ARHGAP15: variants seen among roughly 807,000 people sequenced by gnomAD.
ARHGAP15 encodes Rho GTPase activating protein 15.
In ARHGAP15, 51 loss-of-function variants were observed where a neutral mutation model predicts 63.7. The ratio of observed to expected loss-of-function variants is 0.80; its 90% CI spans 0.64 to 1.01. The LOEUF (loss-of-function observed/expected upper bound fraction) is 1.01. Ranked by LOEUF, ARHGAP15 falls within the 50% of genes least tolerant of loss-of-function variation. The probability of loss-of-function intolerance (pLI) is 0.00; values close to 1 mark genes in which losing one functional copy is unlikely to be tolerated. For synonymous variants in ARHGAP15, 191 were observed against 193.8 expected, an observed-to-expected ratio of 0.99 and a Z score of 0.12; for missense variants, 560 against 564.6, an observed-to-expected ratio of 0.99 and a Z score of 0.08.
At chr2:143,221,727 G>A (rs974499648) in intron 4 of ARHGAP15, among the ~76,000 whole-genome samples, 3 of 152,168 alleles carry the variant, frequency 2.0e-5, no homozygotes, top group Admixed American at 2.0e-4. Flanking sequence ...GTGTGGCTCT[G>A]CGTATCTTAC....
chr2:143,482,703 G>T (rs942097487), intron 8 of ARHGAP15, among the ~76,000 whole-genome samples: 23 of 152,284 alleles, frequency 1.5e-4, no homozygotes, highest in African/African-American at 5.1e-4. Context: ...TGTAAACCAC[G>T]ATATTCAAAG....
At position 143,268,281 on chromosome 2, in the gene ARHGAP15, C is replaced by A. The variant is rs186773677; in HGVS notation, c.474+17681C>A. Among the ~76,000 whole-genome samples, 278 of 151,922 alleles carry A rather than the reference C, an allele frequency of 1.8e-3. 1 individual carries two copies. The highest frequency in any genetic ancestry group is 3.4e-3 in the Middle Eastern group (1 of 294). ...AACAAAAAGGCCCTCAAACAACAGT[C>A]CCAGTAAACCAAGTTGCAATTAGCT... On this transcript the variant is annotated intron_variant, in intron 6 of 13. Transcript: ENST00000295095.
At chr2:143,745,447 T>C (rs2105515212) in intron 13 of ARHGAP15, among the ~76,000 whole-genome samples, 1 of 152,260 alleles carries the variant, frequency 6.6e-6, no homozygotes, top group South Asian at 2.1e-4. Flanking sequence ...TTTATAAGTG[T>C]AAGAAAACAA....
rs541514181 is a variant in ARHGAP15, at chr2:143,466,521, C to T, written c.704-20852C>T. The stretch of plus-strand genomic sequence containing the variant: ...GGAAAAGAGTATTTTACATAATGGG[C>T]TTTGTCTTCTGGTTTAGTTCTTCAA... On this transcript the variant is annotated intron_variant, in intron 8 of 13. Coordinates refer to ENST00000295095, the MANE Select transcript of ARHGAP15 (RefSeq NM_018460.4). Among the ~76,000 whole-genome samples the T allele has an allele frequency of 2.6e-5, 4 of 152,048 alleles. No homozygotes were observed. In the South Asian group the frequency reaches 8.3e-4, roughly 32 times the overall value.
At chr2:143,652,471 A>C (rs1325733688) in intron 12 of ARHGAP15, among the ~76,000 whole-genome samples, 1 of 152,068 alleles carries the variant, frequency 6.6e-6, no homozygotes, top group Non-Finnish European at 1.5e-5. Flanking sequence ...ATATTTTTAA[A>C]AGCTTGCCAA....
At chr2:143,420,615 C>A (rs1401240203) in intron 6 of ARHGAP15, among the ~76,000 whole-genome samples, 1 of 152,240 alleles carries the variant, frequency 6.6e-6, no homozygotes, top group Non-Finnish European at 1.5e-5. Context: ...CGGTAATTTA[C>A]CAAGAAGTCT....
chr2:143,371,591 GT>G (rs1343000882), intron 6 of ARHGAP15, among the ~76,000 whole-genome samples: 4 of 152,234 alleles, frequency 2.6e-5, no homozygotes, highest in African/African-American at 7.2e-5. Flanking sequence ...GTTTGATTTG[GT>G]TTGGTAATAA....
intron 6 of ARHGAP15, among the ~76,000 whole-genome samples, chr2:143,383,868 A>G (rs1057321815): frequency 1.3e-5 from 2 of 152,182 alleles, no homozygotes; most frequent in Non-Finnish European, 2.9e-5. Flanking sequence ...TAAAATCAAT[A>G]TTCTAGGGGC....
At chr2:143,565,246 C>G (rs951577936) in intron 11 of ARHGAP15, among the ~76,000 whole-genome samples, 1 of 151,964 alleles carries the variant, frequency 6.6e-6, no homozygotes, top group African/African-American at 2.4e-5. Flanking sequence ...TTAAGGAATC[C>G]CAAATCACTT....
intron 8 of ARHGAP15, among the ~76,000 whole-genome samples, chr2:143,438,109 C>T (rs1214782553): frequency 4.6e-5 from 7 of 152,162 alleles, no homozygotes; most frequent in Non-Finnish European, 1.0e-4. Flanking sequence ...GAGTCTTCTA[C>T]CTGGCTGACC....
At position 143,153,777 on chromosome 2, in the gene ARHGAP15, ATCTTCTTCTTCTTCT is replaced by A. The variant is rs1175995548; in HGVS notation, c.-14-1646_-14-1632del. Among the ~76,000 whole-genome samples, 197 of 85,230 alleles carry A rather than the reference ATCTTCTTCTTCTTCT, an allele frequency of 2.3e-3. 3 individuals are homozygous for A. The highest frequency in any genetic ancestry group is 5.7e-3 in the African/African-American group (133 of 23,162). The allele number at this position is 85,230 out of a possible 152,430, so 55.9% of individuals were successfully genotyped here. Reference sequence around the variant, plus strand: ...TTATATAAATGAAATTATATAATAAATCTTCTTCTTCTTCTTCTTCTTCTTCTTCTTCTTCTTCTT... The same window carrying A: ...TTATATAAATGAAATTATATAATAAATCTTCTTCTTCTTCTTCTTCTTCTT... On this transcript the variant is annotated intron_variant, in intron 1 of 13. Transcript: ENST00000295095.
intron 10 of ARHGAP15, among the ~76,000 whole-genome samples, chr2:143,536,764 A>G (rs1694788301): frequency 6.6e-6 from 1 of 151,492 alleles, no homozygotes; most frequent in African/African-American, 2.4e-5. Flanking sequence ...TTCTTAATCC[A>G]GTCTATCATT....
intron 6 of ARHGAP15, among the ~76,000 whole-genome samples, chr2:143,277,398 T>TC (rs1425977624): frequency 6.6e-6 from 1 of 151,910 alleles, no homozygotes; most frequent in Non-Finnish European, 1.5e-5. Context: ...ATCCAGAATG[T>TC]CCCCCCAGGC....
At chr2:143,510,874 T>C (rs1416221039) in intron 9 of ARHGAP15, among the ~76,000 whole-genome samples, 4 of 152,206 alleles carry the variant, frequency 2.6e-5, no homozygotes, top group Non-Finnish European at 4.4e-5. Flanking sequence ...CCCTCTCTCC[T>C]GAAAGCAGAG....
chr2:143,484,845 A>G (rs1350724280), intron 8 of ARHGAP15, among the ~76,000 whole-genome samples: 1 of 152,248 alleles, frequency 6.6e-6, no homozygotes, highest in African/African-American at 2.4e-5. Flanking sequence ...CCAAGTGACT[A>G]GTGGCTAGTA....
At chr2:143,198,566 TA>T (rs1226686793) in intron 2 of ARHGAP15, among the ~76,000 whole-genome samples, 5 of 152,164 alleles carry the variant, frequency 3.3e-5, no homozygotes, top group African/African-American at 1.2e-4. Flanking sequence ...TATAAATCAT[TA>T]CAATGAAAAC....
At chr2:143,416,957 T>A (rs1324927030) in intron 6 of ARHGAP15, among the ~76,000 whole-genome samples, 23 of 151,936 alleles carry the variant, frequency 1.5e-4, no homozygotes. Flanking sequence ...GGACTACCAA[T>A]TCGCTTTTCA....
At chr2:143,566,121 A>G (rs1260297312) in intron 11 of ARHGAP15, among the ~76,000 whole-genome samples, 1 of 152,202 alleles carries the variant, frequency 6.6e-6, no homozygotes, top group African/African-American at 2.4e-5. Flanking sequence ...CCCAAGCACA[A>G]CGTGAAAATA....
intron 2 of ARHGAP15, among the ~76,000 whole-genome samples, chr2:143,160,657 A>G (rs1690255981): frequency 6.6e-6 from 1 of 152,016 alleles, no homozygotes; most frequent in African/African-American, 2.4e-5. Flanking sequence ...GGTATTTTGC[A>G]GACATGCTGT....
Sources: allele counts gnomAD v4.1 joint callset (sites outside exome capture counted in the v4.1 genomes callset), GRCh38; gene constraint gnomAD v4.1.1; transcripts MANE v1.5; gene names NCBI Gene and HGNC (gene_info 2026-07-23, HGNC 2026-07-21).